The following BPI variants were observed in gnomAD, a reference collection of about 807,000 sequenced individuals.
The protein encoded by BPI is bactericidal permeability-increasing protein.
Under a neutral mutation model 57.6 loss-of-function variants are expected in BPI, and 48 were observed. The ratio of observed to expected loss-of-function variants is 0.83; its 90% CI spans 0.66 to 1.06. The LOEUF (loss-of-function observed/expected upper bound fraction) is 1.06, where lower values mean the gene tolerates loss of function less well. Ranked by LOEUF, BPI falls within the 50% of genes least tolerant of loss-of-function variation. The pLI is 0.00. For synonymous variants in BPI, 237 were observed against 238.2 expected (o/e 0.99, Z 0.05); for missense variants, 651 against 609.7 (o/e 1.07, Z -0.71).
chr20:38,335,057 T>C (rs1480518487), intron 13 of BPI, among the ~76,000 whole-genome samples: 3 of 152,168 alleles, frequency 2.0e-5, no homozygotes, highest in Non-Finnish European at 4.4e-5. Flanking sequence ...TCCAACAAAT[T>C]ATCATATGAA....
chr20:38,330,267 G>A (rs6123597), intron 11 of BPI, among the ~76,000 whole-genome samples: 69,074 of 151,902 alleles, frequency 0.45, 16,048 homozygotes, highest in Middle Eastern at 0.48. Flanking sequence ...AAAGCAAACC[G>A]TGCTTTGCTA....
intron 5 of BPI, among the ~76,000 whole-genome samples, chr20:38,315,306 A>T (rs566448763): frequency 6.6e-6 from 1 of 152,188 alleles, no homozygotes; most frequent in African/African-American, 2.4e-5. Context: ...GCCTGAATGA[A>T]TGAATGAAGG....
intron 12 of BPI, among the ~76,000 whole-genome samples, chr20:38,332,116 A>G (rs1259708326): frequency 1.3e-5 from 2 of 152,286 alleles, no homozygotes; most frequent in Non-Finnish European, 2.9e-5. Context: ...AGTAGGGGGC[A>G]TCGGAAGAGA....
chr20:38,313,885 A>G (rs2076634553), intron 5 of BPI, among the ~76,000 whole-genome samples: 2 of 146,968 alleles, frequency 1.4e-5, no homozygotes, highest in African/African-American at 5.1e-5. Context: ...TAATGATGGG[A>G]TGATGATGAT....
chr20:38,317,642 C>G, intron 5 of BPI: 1 of 729,438 alleles, frequency 1.4e-6, no homozygotes, highest in Non-Finnish European at 2.5e-6. Context: ...AGAAGCAAGT[C>G]GGCAAGCCCA....
chr20:38,331,572 G>A (rs2076742746), intron 12 of BPI, among the ~76,000 whole-genome samples: 1 of 152,164 alleles, frequency 6.6e-6, no homozygotes, highest in Admixed American at 6.5e-5. Flanking sequence ...GGCCAGGCAT[G>A]GTGGCTCATG....
At chr20:38,325,251 A>G (rs1313066915) in intron 9 of BPI, among the ~76,000 whole-genome samples, 1 of 142,364 alleles carries the variant, frequency 7.0e-6, no homozygotes, top group Non-Finnish European at 1.5e-5. Flanking sequence ...CAGGTGGATG[A>G]GGTTACTTTA....
In BPI at chr20:38,304,249, C is replaced by G. The variant is rs376944802; in HGVS notation, c.26C>G (p.Pro9Arg). The G allele has an allele frequency of 1.2e-6, 2 of 1,614,052 alleles. No individual in the cohort carries two copies. The highest frequency in any genetic ancestry group is 1.7e-6 in the Non-Finnish European group (2 of 1,180,030). MARGPCNA[P>R]RWASLMVLVA... Reference sequence around the variant, plus strand: ...ATGGCCAGGGGCCCTTGCAACGCGCCGAGATGGGCGTCCCTGATGGTGCTG... The same window carrying G: ...ATGGCCAGGGGCCCTTGCAACGCGCGGAGATGGGCGTCCCTGATGGTGCTG... The change falls in exon 1 of 15, where the codon CCG (proline) becomes CGG (arginine). Residue 9 changes from proline (P) to arginine (R), a missense_variant. Pro to Arg is a moderately radical substitution (Grantham distance 103). Coordinates refer to ENST00000642449, the MANE Select transcript of BPI (RefSeq NM_001725.3).
chr20:38,330,944 A>G (rs2076739230), intron 11 of BPI, 104 bp from the exon 12 acceptor site: 8 of 1,379,008 alleles, frequency 5.8e-6, no homozygotes, highest in South Asian at 3.7e-5. Context: ...CTGGGTGGGA[A>G]AACCAGACAG....
At position 38,311,865 on chromosome 20, in the gene BPI, C is replaced by T; in HGVS notation, c.537-9C>T. ...AGCCTCATCTATGTCCCTACTTGTT[C>T]ATCTCTAGGTGGCTGATCCAACTCT... On this transcript the variant is annotated splice_polypyrimidine_tract_variant and intron_variant, in intron 4 of 14. Transcript: ENST00000642449. 6.2e-7 allele frequency: 1 copy of T among 1,613,752 alleles called. No individual in the cohort carries two copies. The highest frequency in any genetic ancestry group is 8.5e-7 in the Non-Finnish European group (1 of 1,179,776).
intron 5 of BPI, among the ~76,000 whole-genome samples, chr20:38,314,183 A>G (rs192982120): frequency 0.026 from 885 of 33,434 alleles, no homozygotes; most frequent in East Asian, 0.045. Flanking sequence ...TGATGATAAT[A>G]ATGATGGTGA....
At position 38,320,812 on chromosome 20, in the gene BPI, T is replaced by C. The variant is rs2076678041; in HGVS notation, c.756+538T>C. 2.1e-5 allele frequency among the ~76,000 whole-genome samples: 3 copies of C among 141,656 alleles called. No individual in the cohort carries two copies. In the Admixed American group the frequency reaches 2.4e-4, roughly 11 times the overall value. The allele number at this position is 141,656 out of a possible 152,430, so 92.9% of individuals were successfully genotyped here. On this transcript the variant is annotated intron_variant, in intron 7 of 14. Coordinates refer to ENST00000642449, the MANE Select transcript of BPI (RefSeq NM_001725.3). Reference sequence around the variant, plus strand: ...TGCTTGGCACATACTAGGTGCTCAATAAATTATTTGTTGGATGGGTGGATG... The same window carrying C: ...TGCTTGGCACATACTAGGTGCTCAACAAATTATTTGTTGGATGGGTGGATG...
chr20:38,318,062 A>G, intron 5 of BPI: 1 of 983,428 alleles, frequency 1.0e-6, no homozygotes, highest in Non-Finnish European at 1.2e-6. Flanking sequence ...CATTCCACAA[A>G]GGATCTGAGA....
rs753455111 is a variant in BPI at position 38,327,663 on chromosome 20, G to A, written c.1229+8G>A. 1.9e-6 allele frequency: 3 copies of A among 1,613,262 alleles called. No individual in the cohort carries two copies. Among genetic ancestry groups the A allele is most frequent in the South Asian group, 2.2e-5 (2 of 91,062 alleles). On this transcript the variant is annotated splice_region_variant and intron_variant, in intron 11 of 14. Transcript: ENST00000642449. ...AGAGCTCAAGCTGGATAGGTAAGTG[G>A]GCCTGTGAGAGGAGGAGGGGGCTGC... is the stretch of plus-strand genomic sequence containing the variant.
intron 3 of BPI, among the ~76,000 whole-genome samples, chr20:38,310,267 G>C (rs1419986143): frequency 3.3e-5 from 5 of 152,196 alleles, no homozygotes; most frequent in Non-Finnish European, 7.3e-5. Flanking sequence ...CAGTGGTTAA[G>C]AGCAGGTTTC....
chr20:38,317,037 A>G (rs2076655639), intron 5 of BPI, among the ~76,000 whole-genome samples: 1 of 152,196 alleles, frequency 6.6e-6, no homozygotes, highest in Non-Finnish European at 1.5e-5. Context: ...ACAGGACTCT[A>G]GAAGGAGTGT....
chr20:38,331,104 C>A lies in BPI; in HGVS notation c.1272+14C>A. 1 of 1,613,726 alleles carries A rather than the reference C, an allele frequency of 6.2e-7. No individual in the cohort carries two copies. Among genetic ancestry groups the A allele is most frequent in the Non-Finnish European group, 8.5e-7 (1 of 1,179,692 alleles). On this transcript the variant is annotated intron_variant, in intron 12 of 14. Transcript: ENST00000642449. ...GGCCCCTTCCCGGTGAGTCTGAGGC[C>A]CTTGGTGGCTTCTTCCTCCTTCTGA... is the stretch of plus-strand genomic sequence containing the variant.
At chr20:38,313,620 C>A (rs549669393) in intron 5 of BPI, among the ~76,000 whole-genome samples, 1 of 152,280 alleles carries the variant, frequency 6.6e-6, no homozygotes, top group African/African-American at 2.4e-5. Flanking sequence ...AAGGTGGCCC[C>A]TCTATAGCAG....
At chr20:38,307,473 A>T in intron 1 of BPI, 94 bp from the exon 2 acceptor site, 1 of 880,010 alleles carries the variant, frequency 1.1e-6, no homozygotes, top group Non-Finnish European at 1.7e-6. Context: ...TGTCCATGCT[A>T]CGAACAGGGG....
Sources: gnomAD v4.1 joint callset for allele counts (sites outside exome capture counted in the v4.1 genomes callset) on GRCh38, gnomAD v4.1.1 for gene constraint, MANE v1.5 for transcripts, NCBI Gene and HGNC (gene_info 2026-07-23, HGNC 2026-07-21) for gene names.